LARGE1: variants seen among roughly 807,000 people sequenced by gnomAD.
LARGE1 encodes xylosyl- and glucuronyltransferase LARGE1.
LARGE1 carries 43 observed loss-of-function variants against 87.6 expected under a neutral mutation model. The ratio of observed to expected loss-of-function variants is 0.49; its 90% CI spans 0.38 to 0.63. The LOEUF (loss-of-function observed/expected upper bound fraction) is 0.63, where lower values mean the gene tolerates loss of function less well. Ranked by LOEUF, LARGE1 falls within the 30% of genes least tolerant of loss-of-function variation. The pLI is 0.00. For missense variants in LARGE1, 802 were observed against 1,000.2 expected (o/e 0.80, Z 2.67); for synonymous variants, 434 against 394.6 (o/e 1.10, Z -1.18).
intron 12 of LARGE1, among the ~76,000 whole-genome samples, chr22:33,299,052 T>TA (rs147501992): frequency 0.035 from 5,146 of 147,496 alleles, 252 homozygotes; most frequent in African/African-American, 0.12. Flanking sequence ...TTACAAATGG[T>TA]AAAAAAAAAA....
chr22:33,089,669 A>T, the LARGE1 span, among the ~76,000 whole-genome samples: 4 of 151,472 alleles, frequency 2.6e-5, no homozygotes, highest in African/African-American at 9.7e-5. Context: ...GCTAATTTTT[A>T]AATTTTTTAT....
At chr22:33,406,951 C>T (rs2147382959) in intron 7 of LARGE1, among the ~76,000 whole-genome samples, 1 of 152,242 alleles carries the variant, frequency 6.6e-6, no homozygotes, top group South Asian at 2.1e-4. Context: ...CGCCACCACG[C>T]CCAGCAAATT....
chr22:33,400,017 C>T (rs996731873), intron 7 of LARGE1, among the ~76,000 whole-genome samples: 23 of 152,178 alleles, frequency 1.5e-4, no homozygotes, highest in Admixed American at 1.4e-3. Context: ...AAACCCAAGG[C>T]AGAAATCACG....
chr22:33,647,138 G>T (rs959198568), intron 3 of LARGE1, among the ~76,000 whole-genome samples: 7 of 152,194 alleles, frequency 4.6e-5, no homozygotes, highest in Non-Finnish European at 8.8e-5. Context: ...TTAGTCAGTA[G>T]GTCTGGGGTA....
chr22:33,624,067 C>T lies in LARGE1; in HGVS notation c.491+2177G>A, dbSNP rs137931392. On this transcript the variant is annotated intron_variant, in intron 4 of 14. Transcript: ENST00000397394. ...AATAAAAAATAAAAATAAGGCAAAA[C>T]GAACTGCTGACAATCACTCAGCAAT... Among the ~76,000 whole-genome samples the T allele has an allele frequency of 3.7e-3, 560 of 152,174 alleles. 5 individuals carry two copies. The highest frequency in any genetic ancestry group is 0.012 in the African/African-American group (518 of 41,508).
intron 2 of LARGE1, among the ~76,000 whole-genome samples, chr22:33,679,706 A>T (rs2081691821): frequency 6.6e-6 from 1 of 152,100 alleles, no homozygotes; most frequent in Non-Finnish European, 1.5e-5. Context: ...GCCAGGTGTG[A>T]TGGCAGGCTC....
intron 11 of LARGE1, among the ~76,000 whole-genome samples, chr22:33,314,405 A>G (rs1935931516): frequency 1.3e-5 from 2 of 152,138 alleles, no homozygotes; most frequent in Admixed American, 1.3e-4. Context: ...CTCAACATGA[A>G]TCATTCCACG....
chr22:33,127,425 T>C, the LARGE1 span, among the ~76,000 whole-genome samples: 1 of 152,202 alleles, frequency 6.6e-6, no homozygotes, highest in South Asian at 2.1e-4. Flanking sequence ...GCACTAAATA[T>C]GATGCATAAA....
At chr22:33,484,104 A>T (rs928431501) in intron 6 of LARGE1, among the ~76,000 whole-genome samples, 1 of 152,108 alleles carries the variant, frequency 6.6e-6, no homozygotes, top group African/African-American at 2.4e-5. Context: ...ACCTCACCAA[A>T]TACACAAAGA....
At chr22:33,814,038 C>T (rs1040281873) in intron 1 of LARGE1, among the ~76,000 whole-genome samples, 6 of 152,076 alleles carry the variant, frequency 3.9e-5, no homozygotes, top group East Asian at 1.9e-4. Context: ...TTACGTATCT[C>T]GATGGGGGAA....
At chr22:33,614,444 T>C (rs2079526221) in intron 4 of LARGE1, among the ~76,000 whole-genome samples, 1 of 152,122 alleles carries the variant, frequency 6.6e-6, no homozygotes, top group African/African-American at 2.4e-5. Flanking sequence ...ACACAGCCCC[T>C]TGCTCACTGT....
intron 3 of LARGE1, among the ~76,000 whole-genome samples, chr22:33,641,106 C>A (rs373798747): frequency 1.3e-5 from 2 of 152,168 alleles, no homozygotes; most frequent in East Asian, 1.9e-4. Flanking sequence ...GTCCCTGACT[C>A]CTGTGCCTCC....
chr22:33,423,456 C>A (rs1006959609), intron 7 of LARGE1, among the ~76,000 whole-genome samples: 8 of 151,476 alleles, frequency 5.3e-5, no homozygotes, highest in Admixed American at 1.3e-4. Context: ...GTGGGCGGAT[C>A]ACTTGAGGTC....
intron 9 of LARGE1, among the ~76,000 whole-genome samples, chr22:33,355,908 C>A (rs1940847595): frequency 6.6e-6 from 1 of 152,140 alleles, no homozygotes; most frequent in African/African-American, 2.4e-5. Context: ...GGAGTCTTTC[C>A]TGTGTGTTGA....
chr22:33,277,470 T>C (rs1335824115), intron 13 of LARGE1, among the ~76,000 whole-genome samples: 9 of 152,202 alleles, frequency 5.9e-5, no homozygotes, highest in Admixed American at 5.9e-4. Flanking sequence ...GAGGTTATCA[T>C]GAGATCACAG....
chr22:33,187,754 G>T (rs137398), intron 11 of LARGE1, among the ~76,000 whole-genome samples: 90,419 of 150,728 alleles, frequency 0.6, 27,350 homozygotes, highest in Middle Eastern at 0.66. Flanking sequence ...CTGTCTCTAC[G>T]AAACAAAATA....
chr22:33,518,840 T>C (rs1358521221), intron 6 of LARGE1, among the ~76,000 whole-genome samples: 2 of 152,118 alleles, frequency 1.3e-5, no homozygotes, highest in Non-Finnish European at 2.9e-5. Flanking sequence ...TAAGTGTTAA[T>C]TCTGATCACA....
At chr22:33,680,953 A>G (rs1320869559) in intron 2 of LARGE1, among the ~76,000 whole-genome samples, 4 of 152,234 alleles carry the variant, frequency 2.6e-5, no homozygotes, top group Admixed American at 6.5e-5. Flanking sequence ...ACCCTCTGCA[A>G]TCATCCACCC....
At chr22:33,717,820 C>A (rs2082956465) in intron 2 of LARGE1, among the ~76,000 whole-genome samples, 1 of 152,210 alleles carries the variant, frequency 6.6e-6, no homozygotes, top group Non-Finnish European at 1.5e-5. Context: ...ATTTCAAATG[C>A]ATTCTGCCAA....
Sources: gnomAD v4.1 joint callset for allele counts (sites outside exome capture counted in the v4.1 genomes callset) on GRCh38, gnomAD v4.1.1 for gene constraint, MANE v1.5 for transcripts, NCBI Gene and HGNC (gene_info 2026-07-23, HGNC 2026-07-21) for gene names.